The following NKAIN2 variants were observed in gnomAD, a reference collection of about 807,000 sequenced individuals.
NKAIN2 encodes the protein sodium/potassium transporting ATPase interacting 2.
A neutral mutation model predicts 32.6 loss-of-function variants in NKAIN2; 14 were observed. That is an observed-to-expected ratio of 0.43 (90% CI 0.28 to 0.67). The LOEUF is 0.67. NKAIN2 is among the 30% of genes least tolerant of loss of function. NKAIN2 has a pLI of 0.17. For missense variants in NKAIN2, 198 were observed against 258.3 expected, an observed-to-expected ratio of 0.77 and a Z score of 1.60; for synonymous variants, 80 against 87.2, an observed-to-expected ratio of 0.92 and a Z score of 0.46.
chr6:124,129,669 G>A (rs1353589011), intron 1 of NKAIN2, among the ~76,000 whole-genome samples: 1 of 151,992 alleles, frequency 6.6e-6, no homozygotes, highest in Non-Finnish European at 1.5e-5. Context: ...CCAAGCTGAA[G>A]TGCAATGGCG....
At chr6:124,434,375 T>G (rs1308246438) in intron 3 of NKAIN2, among the ~76,000 whole-genome samples, 8 of 152,186 alleles carry the variant, frequency 5.3e-5, no homozygotes, top group Admixed American at 4.6e-4. Context: ...GGAAATGTAT[T>G]TCTAAAATCT....
chr6:124,300,164 C>G (rs1019456874), intron 2 of NKAIN2, among the ~76,000 whole-genome samples: 1 of 152,082 alleles, frequency 6.6e-6, no homozygotes, highest in Non-Finnish European at 1.5e-5. Context: ...GTAATAATCC[C>G]CATGTGTCAA....
chr6:124,175,166 CT>C (rs1789094081), intron 1 of NKAIN2, among the ~76,000 whole-genome samples: 1 of 152,052 alleles, frequency 6.6e-6, no homozygotes, highest in South Asian at 2.1e-4. Context: ...CACTTTACTT[CT>C]GTTAAGAAGC....
chr6:123,835,885 C>T (rs1374376806), intron 1 of NKAIN2, among the ~76,000 whole-genome samples: 1 of 152,086 alleles, frequency 6.6e-6, no homozygotes, highest in African/African-American at 2.4e-5. Context: ...CCTGCTTACC[C>T]CAGTCTCTGT....
intron 2 of NKAIN2, among the ~76,000 whole-genome samples, chr6:124,333,659 C>CTAAATAAATAAA (rs36098572): frequency 3.4e-5 from 5 of 146,416 alleles, no homozygotes; most frequent in Non-Finnish European, 7.5e-5. Flanking sequence ...GACTCAGTCT[C>CTAAATAAATAAA]TAAATAAATA....
chr6:123,915,550 CGTT>C (rs1562255623), intron 1 of NKAIN2, among the ~76,000 whole-genome samples: 3 of 152,264 alleles, frequency 2.0e-5, no homozygotes, highest in African/African-American at 7.2e-5. Flanking sequence ...AGTGACTCAA[CGTT>C]GTTTCAAAGT....
rs535237098 is a variant in NKAIN2 at position 124,605,343 on chromosome 6, C to A, written c.274-52843C>A. 5.3e-5 allele frequency among the ~76,000 whole-genome samples: 8 copies of A among 152,090 alleles called. No individual in the cohort carries two copies. In the South Asian group the frequency reaches 1.5e-3, roughly 28 times the overall value. On this transcript the variant is annotated intron_variant, in intron 3 of 6. Coordinates refer to ENST00000368417, the MANE Select transcript of NKAIN2 (RefSeq NM_001040214.3). ...TGTTTGCATAGGCACTATTTTCAAACGGTGTAGCAAATATAAAAGATACAA... is the reference window on the plus strand; with the variant it reads ...TGTTTGCATAGGCACTATTTTCAAAAGGTGTAGCAAATATAAAAGATACAA...
At chr6:124,303,625 T>G (rs1376320676) in intron 2 of NKAIN2, among the ~76,000 whole-genome samples, 1 of 152,256 alleles carries the variant, frequency 6.6e-6, no homozygotes. Context: ...TTGCTGGGAC[T>G]GGCATTAATC....
At chr6:124,580,471 T>C (rs1419027070) in intron 3 of NKAIN2, among the ~76,000 whole-genome samples, 1 of 152,168 alleles carries the variant, frequency 6.6e-6, no homozygotes, top group Non-Finnish European at 1.5e-5. Flanking sequence ...AGAAATCCTT[T>C]GCAAGCCTCA....
At chr6:124,730,668 A>G (rs1231250454) in intron 4 of NKAIN2, among the ~76,000 whole-genome samples, 1 of 147,504 alleles carries the variant, frequency 6.8e-6, no homozygotes, top group African/African-American at 2.5e-5. Context: ...TTCATGTCTA[A>G]AACACCAAAA....
chr6:124,818,600 T>C, intron 6 of NKAIN2, 132 bp downstream of exon 6: 1 of 450,332 alleles, frequency 2.2e-6, no homozygotes, highest in Non-Finnish European at 4.0e-6. Context: ...ATTAATATTG[T>C]CTTGGCTGGG....
At chr6:123,836,271 T>A (rs1030804632) in intron 1 of NKAIN2, among the ~76,000 whole-genome samples, 38 of 151,828 alleles carry the variant, frequency 2.5e-4, no homozygotes, top group African/African-American at 8.7e-4. Flanking sequence ...TTCCAAAAGG[T>A]AATATATGAA....
chr6:124,692,244 A>C (rs1774289855), intron 4 of NKAIN2, among the ~76,000 whole-genome samples: 1 of 152,220 alleles, frequency 6.6e-6, no homozygotes, highest in Admixed American at 6.5e-5. Flanking sequence ...GGCTAAAAGT[A>C]GGATGGAAGT....
intron 1 of NKAIN2, among the ~76,000 whole-genome samples, chr6:123,847,653 C>T (rs1220291944): frequency 1.3e-5 from 2 of 152,086 alleles, no homozygotes; most frequent in Admixed American, 1.3e-4. Flanking sequence ...GTGAGAATAA[C>T]TCATAAACAG....
chr6:124,176,395 T>C (rs991581981), intron 1 of NKAIN2, among the ~76,000 whole-genome samples: 2 of 152,162 alleles, frequency 1.3e-5, no homozygotes, highest in African/African-American at 4.8e-5. Flanking sequence ...TTTTGAATTC[T>C]TTGGGATTTT....
At chr6:123,972,407 C>G (rs146422984) in intron 1 of NKAIN2, among the ~76,000 whole-genome samples, 25 of 152,246 alleles carry the variant, frequency 1.6e-4, no homozygotes, top group Non-Finnish European at 3.2e-4. Flanking sequence ...GACAAATAGC[C>G]TAATGGAAGA....
At chr6:123,958,836 G>A (rs1040511288) in intron 1 of NKAIN2, among the ~76,000 whole-genome samples, 1 of 152,180 alleles carries the variant, frequency 6.6e-6, no homozygotes, top group African/African-American at 2.4e-5. Flanking sequence ...TAACAGATGA[G>A]TGAAAGAATG....
At chr6:123,958,355 C>T (rs1423033848) in intron 1 of NKAIN2, among the ~76,000 whole-genome samples, 1 of 152,202 alleles carries the variant, frequency 6.6e-6, no homozygotes, top group Non-Finnish European at 1.5e-5. Flanking sequence ...ACCTGTGAGG[C>T]AGGATGCCCC....
At chr6:124,071,669 T>C (rs1783475534) in intron 1 of NKAIN2, among the ~76,000 whole-genome samples, 1 of 151,972 alleles carries the variant, frequency 6.6e-6, no homozygotes, top group Non-Finnish European at 1.5e-5. Flanking sequence ...GCAAAACACA[T>C]GCACAGACAT....
Sources: allele counts gnomAD v4.1 joint callset (sites outside exome capture counted in the v4.1 genomes callset), GRCh38; gene constraint gnomAD v4.1.1; transcripts MANE v1.5; gene names NCBI Gene and HGNC (gene_info 2026-07-23, HGNC 2026-07-21).